The following UQCC1 variants were observed in gnomAD, a reference collection of about 807,000 sequenced individuals.
The protein encoded by UQCC1 is ubiquinol-cytochrome c reductase complex assembly factor 1.
A neutral mutation model predicts 48.0 loss-of-function variants in UQCC1; 38 were observed. The ratio of observed to expected loss-of-function variants is 0.79; its 90% CI spans 0.61 to 1.04. UQCC1 has a LOEUF of 1.04. UQCC1 is among the 50% of genes least tolerant of loss of function. UQCC1 has a pLI of 0.00. For synonymous variants in UQCC1, 111 were observed against 129.2 expected (o/e 0.86, Z 0.95); for missense variants, 368 against 381.8 (o/e 0.96, Z 0.30).
chr20:35,394,182 G>A lies in UQCC1; in HGVS notation c.39C>T (p.Ser13=), dbSNP rs2062046941. 1 of 1,613,752 alleles carries A rather than the reference G, an allele frequency of 6.2e-7. No individual in the cohort carries two copies. The highest frequency in any genetic ancestry group is 1.3e-5 in the African/African-American group (1 of 74,892). ...LLVRVLRNQT[S]ISQWVPVCSR... ...TGCATACTGGAACCCACTGAGAAAT[G>A]CTAGTCTGGTTCCTCTAAAGAAAGA... Residue 13 remains serine (S), a synonymous_variant, in exon 2 of 10, where the codon AGC becomes AGT. Transcript: ENST00000374385.
intron 7 of UQCC1, among the ~76,000 whole-genome samples, chr20:35,335,981 G>T (rs1044782810): frequency 7.9e-5 from 12 of 152,102 alleles, no homozygotes; most frequent in Admixed American, 7.9e-4. Flanking sequence ...ATCAGTGTGG[G>T]CAGCACGGAG....
At chr20:35,382,860 A>G (rs2061893182) in intron 3 of UQCC1, among the ~76,000 whole-genome samples, 1 of 152,098 alleles carries the variant, frequency 6.6e-6, no homozygotes, top group African/African-American at 2.4e-5. Context: ...CACATTTGGA[A>G]CTGTACCTAA....
rs150589045 is a variant in UQCC1, at chr20:35,404,955, T to C, written c.24+6985A>G. ...ACAGAGGCTTAGAAAAGCCCCAATA[T>C]ATTCCTGGGCATCTAGGAAGCCATG... is the stretch of plus-strand genomic sequence containing the variant. On this transcript the variant is annotated intron_variant, in intron 1 of 9. Coordinates refer to ENST00000374385, the MANE Select transcript of UQCC1 (RefSeq NM_018244.5). Among the ~76,000 whole-genome samples, 107 of 152,262 alleles carry C rather than the reference T, an allele frequency of 7.0e-4. 1 individual carries two copies. The East Asian group carries it at 0.011, about 16-fold the overall frequency.
At chr20:35,330,643 GTC>G (rs1399195182) in intron 7 of UQCC1, among the ~76,000 whole-genome samples, 2 of 152,170 alleles carry the variant, frequency 1.3e-5, no homozygotes, top group African/African-American at 4.8e-5. Context: ...AACTACCCTA[GTC>G]TCTTCTGGTC....
At chr20:35,410,797 C>G (rs951437134) in intron 1 of UQCC1, among the ~76,000 whole-genome samples, 1 of 132,812 alleles carries the variant, frequency 7.5e-6, no homozygotes, top group South Asian at 2.7e-4. Context: ...TCAGAACATT[C>G]TAATTGCCAT....
At chr20:35,410,834 C>T (rs1291501800) in intron 1 of UQCC1, among the ~76,000 whole-genome samples, 1 of 139,586 alleles carries the variant, frequency 7.2e-6, no homozygotes, top group Non-Finnish European at 1.5e-5. Context: ...ATTTCTGAAT[C>T]AATTTCTGGC....
At chr20:35,339,809 G>A (rs1222081442) in intron 7 of UQCC1, among the ~76,000 whole-genome samples, 1 of 151,972 alleles carries the variant, frequency 6.6e-6, no homozygotes, top group East Asian at 1.9e-4. Flanking sequence ...TAGAGATAAA[G>A]CAAATGTTGC....
intron 2 of UQCC1, among the ~76,000 whole-genome samples, chr20:35,388,299 CT>C (rs1555814252): frequency 1.8e-4 from 2 of 10,852 alleles, no homozygotes; most frequent in Admixed American, 8.4e-4. Flanking sequence ...TTCTTTTTTT[CT>C]TTTTTTTTGA....
At chr20:35,319,411 G>GT (rs1257479596) in intron 7 of UQCC1, among the ~76,000 whole-genome samples, 5 of 152,174 alleles carry the variant, frequency 3.3e-5, no homozygotes, top group Admixed American at 2.0e-4. Flanking sequence ...TGAGGCTCAT[G>GT]TAACACACTC....
intron 6 of UQCC1, among the ~76,000 whole-genome samples, chr20:35,350,291 C>T (rs2061476547): frequency 1.3e-5 from 2 of 152,062 alleles, no homozygotes. Flanking sequence ...CTGTGCCTGG[C>T]CTGAGTGTCT....
chr20:35,316,564 C>G (rs1401060352), intron 7 of UQCC1, among the ~76,000 whole-genome samples: 2 of 152,186 alleles, frequency 1.3e-5, no homozygotes, highest in African/African-American at 4.8e-5. Flanking sequence ...TGGATTTAGA[C>G]TCAGAAAACC....
chr20:35,336,327 C>G (rs981818), intron 7 of UQCC1, among the ~76,000 whole-genome samples: 3 of 151,994 alleles, frequency 2.0e-5, no homozygotes, highest in African/African-American at 4.8e-5. Flanking sequence ...GGAACCTGTG[C>G]GTGTTACCTT....
intron 7 of UQCC1, among the ~76,000 whole-genome samples, chr20:35,332,314 C>G (rs546787734): frequency 1.3e-5 from 2 of 152,360 alleles, no homozygotes; most frequent in African/African-American, 2.4e-5. Flanking sequence ...ACAGAGCTCT[C>G]TCTGGGTAAA....
In UQCC1 at chr20:35,324,303, C is replaced by T. The variant is rs192454234; in HGVS notation, c.574-9538G>A. Among the ~76,000 whole-genome samples, 497 of 152,090 alleles carry T rather than the reference C, an allele frequency of 3.3e-3. 3 individuals carry two copies. Among genetic ancestry groups the T allele is most frequent in the Non-Finnish European group, 5.0e-3 (338 of 67,974 alleles). On this transcript the variant is annotated intron_variant, in intron 7 of 9. Transcript: ENST00000374385. ...TCCCAAGTAGCTGGGATTACAGGCA[C>T]GCACCACCACACCCAGCTAATTTTT...
chr20:35,393,503 AACACACACAC>A (rs3055772), intron 2 of UQCC1, among the ~76,000 whole-genome samples: 19 of 146,892 alleles, frequency 1.3e-4, no homozygotes, highest in South Asian at 2.2e-4. Context: ...AACACACACA[AACACACACAC>A]ACACACACAC....
At chr20:35,330,175 C>T (rs1024921600) in intron 7 of UQCC1, among the ~76,000 whole-genome samples, 1 of 152,172 alleles carries the variant, frequency 6.6e-6, no homozygotes, top group Non-Finnish European at 1.5e-5. Flanking sequence ...CCCAGCAACA[C>T]AAAATGCAGG....
At chr20:35,324,704 T>C (rs781498121) in intron 7 of UQCC1, among the ~76,000 whole-genome samples, 5 of 152,190 alleles carry the variant, frequency 3.3e-5, no homozygotes, top group Admixed American at 6.5e-5. Flanking sequence ...GGCAAGGATG[T>C]AGAAAAACTG....
chr20:35,385,700 T>C (rs891749214), intron 2 of UQCC1, among the ~76,000 whole-genome samples: 8 of 152,124 alleles, frequency 5.3e-5, no homozygotes, highest in Admixed American at 2.6e-4. Context: ...AGTGTCTCCA[T>C]ATGTTGCCCA....
intron 1 of UQCC1, among the ~76,000 whole-genome samples, chr20:35,402,661 C>T (rs573442226): frequency 4.0e-5 from 6 of 150,670 alleles, no homozygotes; most frequent in Non-Finnish European, 5.9e-5. Context: ...GGCATGGTGG[C>T]GCATGCTGGT....
Sources: gnomAD v4.1 joint callset for allele counts (sites outside exome capture counted in the v4.1 genomes callset) on GRCh38, gnomAD v4.1.1 for gene constraint, MANE v1.5 for transcripts, NCBI Gene and HGNC (gene_info 2026-07-23, HGNC 2026-07-21) for gene names.